Variants in RBFOX3 observed in about 807,000 individuals in gnomAD.
RBFOX3 encodes RNA binding fox-1 homolog 3.
Under a neutral mutation model 48.7 loss-of-function variants are expected in RBFOX3, and 17 were observed. The ratio of observed to expected loss-of-function variants is 0.35; its 90% CI spans 0.24 to 0.52. The LOEUF (loss-of-function observed/expected upper bound fraction) is 0.52. RBFOX3 is among the 20% of genes least tolerant of loss of function. RBFOX3 has a pLI of 0.94. For missense variants in RBFOX3, 382 were observed against 497.5 expected (o/e 0.77, Z 2.21); for synonymous variants, 212 against 209.5 (o/e 1.01, Z -0.10).
At chr17:79,388,743 C>T (rs2060928379) in intron 2 of RBFOX3, among the ~76,000 whole-genome samples, 1 of 151,642 alleles carries the variant, frequency 6.6e-6, no homozygotes, top group South Asian at 2.1e-4. Flanking sequence ...GCAGCCGCCT[C>T]CAGCCACCCC....
chr17:79,520,612 T>C (rs1021725448), intron 1 of RBFOX3, among the ~76,000 whole-genome samples: 9,634 of 152,168 alleles, frequency 0.063, 655 homozygotes, highest in African/African-American at 0.17. Flanking sequence ...GGCCTAGAAG[T>C]GATTAATGTC....
chr17:79,129,159 G>A (rs1036887037), intron 4 of RBFOX3, among the ~76,000 whole-genome samples: 1 of 152,210 alleles, frequency 6.6e-6, no homozygotes, highest in Admixed American at 6.5e-5. Context: ...AATTAGAGTA[G>A]TGACGGACGG....
chr17:79,163,996 G>A (rs948207886), intron 4 of RBFOX3, among the ~76,000 whole-genome samples: 1 of 152,242 alleles, frequency 6.6e-6, no homozygotes, highest in Non-Finnish European at 1.5e-5. Context: ...ATCAGCAGAA[G>A]CAGCTTCCTG....
chr17:79,295,406 C>G lies in RBFOX3; in HGVS notation c.-74+12318G>C, dbSNP rs917293247. The stretch of plus-strand genomic sequence containing the variant: ...AGGAAAAAATTAATGCACAACCTGG[C>G]AAGGTGAGGGAGCGAGGGAGGGATG... On this transcript the variant is annotated intron_variant, in intron 3 of 14. Transcript: ENST00000693108. Among the ~76,000 whole-genome samples, 3 of 152,244 alleles carry G rather than the reference C, an allele frequency of 2.0e-5. No homozygotes were observed. The East Asian group carries it at 5.8e-4, about 29-fold the overall frequency.
At chr17:79,350,140 C>G (rs933782875) in intron 2 of RBFOX3, among the ~76,000 whole-genome samples, 4 of 152,202 alleles carry the variant, frequency 2.6e-5, no homozygotes, top group African/African-American at 9.6e-5. Flanking sequence ...CCAGGATGCC[C>G]CCTGTCCGTG....
Position 79,412,755 on chromosome 17 carries a change from C to T in RBFOX3, c.-175+69699G>A, listed in dbSNP as rs189265801. 3.5e-3 allele frequency among the ~76,000 whole-genome samples: 534 copies of T among 150,572 alleles called. 2 individuals are homozygous for T. Among genetic ancestry groups the T allele is most frequent in the African/African-American group, 0.012 (510 of 40,882 alleles). ...ATGTATAAATGTGTGTGGTGTGTAT[C>T]CACGTGTTGTGATGTCTGTGTGGTG... On this transcript the variant is annotated intron_variant, in intron 2 of 14. Coordinates refer to ENST00000693108, the MANE Select transcript of RBFOX3 (RefSeq NM_001350451.2).
intron 2 of RBFOX3, among the ~76,000 whole-genome samples, chr17:79,450,771 C>T (rs998231526): frequency 4.6e-5 from 7 of 152,102 alleles, no homozygotes; most frequent in African/African-American, 1.4e-4. Flanking sequence ...AAGGATTCGA[C>T]GGAGCTCCCA....
chr17:79,297,455 C>T (rs1324461646), intron 3 of RBFOX3, among the ~76,000 whole-genome samples: 3 of 117,788 alleles, frequency 2.5e-5, no homozygotes, highest in East Asian at 5.2e-4. Context: ...GGTGACATGG[C>T]TTCCTCGGGC....
At chr17:79,137,211 CAT>C (rs1263652019) in intron 4 of RBFOX3, among the ~76,000 whole-genome samples, 1 of 150,466 alleles carries the variant, frequency 6.6e-6, no homozygotes, top group East Asian at 2.0e-4. Flanking sequence ...GCCTCGTGGA[CAT>C]GTGCTCACAC....
At chr17:79,514,033 G>A (rs1198618811) in intron 1 of RBFOX3, among the ~76,000 whole-genome samples, 5 of 152,222 alleles carry the variant, frequency 3.3e-5, no homozygotes, top group South Asian at 4.1e-4. Context: ...GGGCAGGCAC[G>A]TGACCTCAGC....
At chr17:79,657,690 A>T in the RBFOX3 span, among the ~76,000 whole-genome samples, 1 of 152,160 alleles carries the variant, frequency 6.6e-6, no homozygotes, top group East Asian at 1.9e-4. Flanking sequence ...AAAATGAAGA[A>T]CAGAGCTGGA....
intron 1 of RBFOX3, chr17:79,604,052 G>A (rs2093772118): frequency 6.6e-6 from 1 of 152,264 alleles, no homozygotes; most frequent in African/African-American, 2.4e-5. Context: ...AAAGGTAACT[G>A]ACATACCGCC....
At chr17:79,371,973 C>A (rs1410752132) in intron 2 of RBFOX3, among the ~76,000 whole-genome samples, 1 of 152,146 alleles carries the variant, frequency 6.6e-6, no homozygotes, top group African/African-American at 2.4e-5. Context: ...GCAACCACAG[C>A]CCACAGGCAG....
At chr17:79,301,451 G>T (rs755940550) in intron 3 of RBFOX3, among the ~76,000 whole-genome samples, 8 of 152,240 alleles carry the variant, frequency 5.3e-5, no homozygotes, top group Non-Finnish European at 1.0e-4. Flanking sequence ...GACCACAGAG[G>T]TGTACTCCAA....
At position 79,221,871 on chromosome 17, in the gene RBFOX3, GGGCTGGCATGGAT is replaced by G. The variant is rs370089282; in HGVS notation, c.-34+13882_-34+13894del. 2.4e-3 allele frequency among the ~76,000 whole-genome samples: 367 copies of G among 152,352 alleles called. 2 individuals carry two copies. The highest frequency in any genetic ancestry group is 8.3e-3 in the African/African-American group (343 of 41,568). ...CAGCAGCATCAGCTTTGAGTCTCTGGGGCTGGCATGGATGCCTGGCAGGAGCGGGGAAGGGTGG... is the reference window on the plus strand; with the variant it reads ...CAGCAGCATCAGCTTTGAGTCTCTGGGCCTGGCAGGAGCGGGGAAGGGTGG... On this transcript the variant is annotated intron_variant, in intron 4 of 14. Coordinates refer to ENST00000693108, the MANE Select transcript of RBFOX3 (RefSeq NM_001350451.2).
At position 79,199,401 on chromosome 17, in the gene RBFOX3, G is replaced by A. The variant is rs1252119087; in HGVS notation, c.-34+36365C>T. On this transcript the variant is annotated intron_variant, in intron 4 of 14. Coordinates refer to ENST00000693108, the MANE Select transcript of RBFOX3 (RefSeq NM_001350451.2). This position sits in a 1 kb window ranked among gnomAD's most constrained non-coding sequence, Gnocchi z 5.1. ...CATTCCCAGGAGCCTCCAACCCTCT[G>A]CCCACCGCCCTACTGCAGGAGTTGC... Among the ~76,000 whole-genome samples, 2 of 152,084 alleles carry A rather than the reference G, an allele frequency of 1.3e-5. No homozygotes were observed. Among genetic ancestry groups the A allele is most frequent in the African/African-American group, 4.8e-5 (2 of 41,416 alleles).
chr17:79,150,301 T>G (rs1332342998), intron 4 of RBFOX3, among the ~76,000 whole-genome samples: 1 of 151,832 alleles, frequency 6.6e-6, no homozygotes, highest in South Asian at 2.1e-4. Flanking sequence ...TCTGCTTGGG[T>G]AGGACGCTCT....
chr17:79,383,936 G>T (rs943897295), intron 2 of RBFOX3, among the ~76,000 whole-genome samples: 3 of 152,206 alleles, frequency 2.0e-5, no homozygotes, highest in South Asian at 2.1e-4. Flanking sequence ...ATGTCAGAGG[G>T]GGGGGCAATC....
intron 1 of RBFOX3, among the ~76,000 whole-genome samples, chr17:79,571,862 T>C (rs1004884287): frequency 4.6e-5 from 7 of 151,812 alleles, no homozygotes; most frequent in Non-Finnish European, 1.0e-4. Flanking sequence ...GTGGCGACAA[T>C]AGAATGGGCA....
Sources: allele counts gnomAD v4.1 joint callset (sites outside exome capture counted in the v4.1 genomes callset), GRCh38; gene constraint gnomAD v4.1.1; non-coding constraint Gnocchi (gnomAD v3.1); transcripts MANE v1.5; gene names NCBI Gene and HGNC (gene_info 2026-07-23, HGNC 2026-07-21).